Variants in PTPRT observed in about 807,000 individuals in gnomAD.
PTPRT encodes the protein protein tyrosine phosphatase receptor type T.
In PTPRT, 56 loss-of-function variants were observed where a neutral mutation model predicts 176.8. That is an observed-to-expected ratio of 0.32 (90% CI 0.26 to 0.40). The LOEUF (loss-of-function observed/expected upper bound fraction) is 0.40. PTPRT is among the 10% of genes least tolerant of loss of function. The pLI is 1.00. For synonymous variants in PTPRT, 783 were observed against 739.0 expected, an observed-to-expected ratio of 1.06 and a Z score of -0.96; for missense variants, 1,540 against 1,908.2, an observed-to-expected ratio of 0.81 and a Z score of 3.60.
At chr20:43,149,280 A>G (rs77924810) in intron 1 of PTPRT, among the ~76,000 whole-genome samples, 5,390 of 152,260 alleles carry the variant, frequency 0.035, 141 homozygotes, top group Admixed American at 0.065. Flanking sequence ...TTTCTTTTAT[A>G]TTTCAACAAA....
chr20:42,596,747 T>C (rs1022230864), intron 7 of PTPRT, among the ~76,000 whole-genome samples: 3 of 152,236 alleles, frequency 2.0e-5, no homozygotes, highest in Non-Finnish European at 4.4e-5. Flanking sequence ...TGTGCAACCT[T>C]ACTTCTAATT....
chr20:42,990,597 AG>A (rs1487594868), intron 1 of PTPRT, among the ~76,000 whole-genome samples: 9 of 152,320 alleles, frequency 5.9e-5, no homozygotes, highest in Non-Finnish European at 1.0e-4. Context: ...TCACCAAAAA[AG>A]TGTGTTCAAC....
At chr20:43,099,568 C>T (rs2012308503) in intron 1 of PTPRT, among the ~76,000 whole-genome samples, 1 of 152,176 alleles carries the variant, frequency 6.6e-6, no homozygotes, top group Non-Finnish European at 1.5e-5. Context: ...AAGATATCCA[C>T]AAGTTTGCCC....
chr20:42,821,590 G>C (rs953361833), intron 2 of PTPRT, among the ~76,000 whole-genome samples: 1 of 152,080 alleles, frequency 6.6e-6, no homozygotes, highest in Non-Finnish European at 1.5e-5. Context: ...GAAATAAAGG[G>C]TATTAAAATA....
At chr20:42,293,778 T>A (rs1004009150) in intron 12 of PTPRT, among the ~76,000 whole-genome samples, 8 of 152,300 alleles carry the variant, frequency 5.3e-5, no homozygotes, top group Admixed American at 5.2e-4. Context: ...CATGTTTAAA[T>A]AAATGTCACC....
chr20:42,560,465 A>G (rs1177522288), intron 7 of PTPRT, among the ~76,000 whole-genome samples: 2 of 152,078 alleles, frequency 1.3e-5, no homozygotes, highest in African/African-American at 4.8e-5. Context: ...CCTGGCATCT[A>G]CTCACTGTGT....
At chr20:42,927,857 G>A (rs1239420012) in intron 1 of PTPRT, among the ~76,000 whole-genome samples, 1 of 152,204 alleles carries the variant, frequency 6.6e-6, no homozygotes, top group Non-Finnish European at 1.5e-5. Context: ...TAGGCATGTA[G>A]GTTGTACTTA....
At chr20:42,743,995 C>T (rs2076652464) in intron 6 of PTPRT, among the ~76,000 whole-genome samples, 1 of 152,232 alleles carries the variant, frequency 6.6e-6, no homozygotes, top group African/African-American at 2.4e-5. Context: ...GTTGGAGTCA[C>T]TGGGTTGCCG....
At chr20:42,303,660 G>A (rs1258433257) in intron 12 of PTPRT, among the ~76,000 whole-genome samples, 1 of 152,150 alleles carries the variant, frequency 6.6e-6, no homozygotes, top group Admixed American at 6.6e-5. Flanking sequence ...TACACTTGCT[G>A]TGATTCGAGA....
At chr20:42,975,110 A>G (rs182190180) in intron 1 of PTPRT, among the ~76,000 whole-genome samples, 1 of 152,338 alleles carries the variant, frequency 6.6e-6, no homozygotes, top group East Asian at 1.9e-4. Context: ...TGATATAGAC[A>G]CAAAGGACAA....
At chr20:42,552,324 T>C (rs2145618487) in intron 7 of PTPRT, among the ~76,000 whole-genome samples, 1 of 152,108 alleles carries the variant, frequency 6.6e-6, no homozygotes, top group African/African-American at 2.4e-5. Context: ...GAGCAAAACA[T>C]CCAGAAGCAA....
intron 15 of PTPRT, among the ~76,000 whole-genome samples, chr20:42,223,961 T>C (rs1488718974): frequency 6.6e-6 from 1 of 152,198 alleles, no homozygotes; most frequent in Non-Finnish European, 1.5e-5. Context: ...AAATCAAGTC[T>C]TTCATTAAAA....
chr20:43,055,162 A>G (rs1206120833), intron 1 of PTPRT, among the ~76,000 whole-genome samples: 1 of 152,210 alleles, frequency 6.6e-6, no homozygotes, highest in East Asian at 1.9e-4. Flanking sequence ...AGGCTCAGTA[A>G]TCTTAATGAG....
chr20:43,000,994 C>A (rs1290247678), intron 1 of PTPRT, among the ~76,000 whole-genome samples: 2 of 152,112 alleles, frequency 1.3e-5, no homozygotes, highest in African/African-American at 4.8e-5. Context: ...AGGAAAATAT[C>A]TTTTAGCATC....
chr20:42,372,221 A>C (rs1408916894), intron 9 of PTPRT, among the ~76,000 whole-genome samples: 1 of 152,060 alleles, frequency 6.6e-6, no homozygotes, highest in Non-Finnish European at 1.5e-5. Flanking sequence ...GTTGGTCAGA[A>C]AATAGGGGTT....
chr20:42,696,458 A>ATT (rs3091864), intron 6 of PTPRT, among the ~76,000 whole-genome samples: 21 of 83,418 alleles, frequency 2.5e-4, no homozygotes, highest in African/African-American at 9.0e-4. Flanking sequence ...CACATGAATT[A>ATT]TTTTTTTTTT....
At chr20:42,906,061 T>TA (rs895274212) in intron 1 of PTPRT, among the ~76,000 whole-genome samples, 4 of 151,110 alleles carry the variant, frequency 2.6e-5, no homozygotes, top group African/African-American at 4.9e-5. Flanking sequence ...TATATATATA[T>TA]AAAAAAAAGA....
intron 7 of PTPRT, among the ~76,000 whole-genome samples, chr20:42,653,114 T>C (rs185233803): frequency 4.5e-4 from 68 of 152,294 alleles, no homozygotes; most frequent in African/African-American, 1.3e-3. Flanking sequence ...TGGGAGGTTA[T>C]TGAACCATAG....
chr20:42,778,672 T>C (rs978836542), intron 4 of PTPRT, among the ~76,000 whole-genome samples: 2 of 152,166 alleles, frequency 1.3e-5, no homozygotes, highest in Non-Finnish European at 2.9e-5. Flanking sequence ...CCCAACACAG[T>C]TGCCCAGTCT....
Sources: gnomAD v4.1 joint callset for allele counts (sites outside exome capture counted in the v4.1 genomes callset) on GRCh38, gnomAD v4.1.1 for gene constraint, MANE v1.5 for transcripts, NCBI Gene and HGNC (gene_info 2026-07-23, HGNC 2026-07-21) for gene names.